The following RRP1 variants were observed in gnomAD, a reference collection of about 807,000 sequenced individuals.
The protein encoded by RRP1 is ribosomal RNA processing 1.
In RRP1, 37 loss-of-function variants were observed where a neutral mutation model predicts 54.6. The ratio of observed to expected loss-of-function variants is 0.68; its 90% confidence interval spans 0.52 to 0.89. RRP1 has a LOEUF of 0.89. Among genes scored for constraint, RRP1 ranks in the 40% least tolerant of loss-of-function variants. The pLI, the probability that RRP1 is intolerant of heterozygous loss-of-function variation, is 0.00. For synonymous variants in RRP1, 262 were observed against 244.3 expected (o/e 1.07, Z -0.67); for missense variants, 639 against 612.5 (o/e 1.04, Z -0.46).
intron 8 of RRP1, 91 bp downstream of exon 8, chr21:43,798,191 A>C: frequency 3.5e-6 from 4 of 1,132,172 alleles, no homozygotes; most frequent in Non-Finnish European, 4.9e-6. Context: ...GCCACCTCCT[A>C]CCTGGTCCCC....
At chr21:43,798,311 A>C (rs111323754) in intron 8 of RRP1, among the ~76,000 whole-genome samples, 6,213 of 151,778 alleles carry the variant, frequency 0.041, 408 homozygotes, top group African/African-American at 0.14. Flanking sequence ...GATGTGCTCC[A>C]CGCCCTCTCC....
intron 2 of RRP1, 24 bp from the exon 3 acceptor site, chr21:43,792,648 G>T: frequency 6.2e-7 from 1 of 1,613,882 alleles, no homozygotes; most frequent in Non-Finnish European, 8.5e-7. Flanking sequence ...GGGGCTGAGG[G>T]CGTTTTTGTT....
In RRP1 at chr21:43,800,549, T is replaced by G; in HGVS notation, c.924T>G (p.Phe308Leu). The G allele has an allele frequency of 6.2e-7, 1 of 1,614,232 alleles. No homozygotes were observed. Among genetic ancestry groups the G allele is most frequent in the Non-Finnish European group, 8.5e-7 (1 of 1,180,034 alleles). Residue 308 changes from phenylalanine to leucine, a missense_variant, in exon 10 of 13, where the codon TTT becomes TTG. Coordinates refer to ENST00000497547, the MANE Select transcript of RRP1 (RefSeq NM_003683.6). Reference protein sequence around the residue: ...FDYEAVANRLFEMASRQSTPS... With the variant: ...FDYEAVANRLLEMASRQSTPS... Reference sequence around the variant, plus strand: ...ACGAGGCAGTTGCTAACAGACTGTTTGAAATGGCCAGCCGCCAGAGCACCC... The same window carrying G: ...ACGAGGCAGTTGCTAACAGACTGTTGGAAATGGCCAGCCGCCAGAGCACCC...
Position 43,790,785 on chromosome 21 carries a change from TC to T in RRP1, c.134-563del, listed in dbSNP as rs1236095995. 1.9e-5 allele frequency: 6 copies of T among 307,950 alleles called. No individual in the cohort carries two copies. In the Admixed American group the frequency reaches 2.8e-4, roughly 14 times the overall value. 19.1% of individuals were successfully genotyped at this position (307,950 alleles called of 1,614,324 possible). ...GTATTTTTTGTACAAATTGGGGTCT[TC>T]CTATGTTGCCCAGACTGGTCTTGAA... On this transcript the variant is annotated intron_variant, in intron 1 of 12. Transcript: ENST00000497547.
chr21:43,804,628 T>C lies in RRP1; in HGVS notation c.*854T>C, dbSNP rs1428271388. The C allele has an allele frequency of 6.6e-6, 1 of 152,336 alleles. No individual in the cohort carries two copies. The highest frequency in any genetic ancestry group is 1.5e-5 in the Non-Finnish European group (1 of 68,102). 9.4% of individuals were successfully genotyped at this position (152,336 alleles called of 1,614,324 possible). On this transcript the variant is annotated 3_prime_UTR_variant, in exon 13 of 13. Coordinates refer to ENST00000497547, the MANE Select transcript of RRP1 (RefSeq NM_003683.6). The surrounding 1 kb of genome is among the most constrained non-coding windows in gnomAD (Gnocchi z 4.3). ...GCCAGCGCTGTGGCCACAGCCTGCA[T>C]AGGTGACAAGGGGCCGCTGCGTTGG...
chr21:43,797,834 A>C, intron 7 of RRP1, 73 bp from the exon 8 acceptor site: 1 of 1,571,160 alleles, frequency 6.4e-7, no homozygotes, highest in Non-Finnish European at 8.7e-7. Flanking sequence ...GAGAGGTTGC[A>C]GGGGAGTCGG....
rs561294668 is a variant in RRP1, at chr21:43,803,144, T to C, written c.1124-368T>C. ...TTCCCATGAGGCAGTGGCCTCCTCT[T>C]TGTAGCCGGCCCTTGGCTGTGTGAA... is the stretch of plus-strand genomic sequence containing the variant. On this transcript the variant is annotated intron_variant, in intron 12 of 12. Transcript: ENST00000497547. Among the ~76,000 whole-genome samples the C allele has an allele frequency of 8.5e-5, 13 of 152,376 alleles. No homozygotes were observed. In the South Asian group the frequency reaches 2.7e-3, roughly 32 times the overall value.
chr21:43,796,288 G>A (rs1569014767), intron 5 of RRP1, among the ~76,000 whole-genome samples: 2 of 152,174 alleles, frequency 1.3e-5, no homozygotes. Flanking sequence ...TCTGATGCCA[G>A]GAGTCTCATT....
intron 11 of RRP1, among the ~76,000 whole-genome samples, chr21:43,801,928 G>A (rs1286160252): frequency 6.6e-6 from 1 of 152,184 alleles, no homozygotes; most frequent in Non-Finnish European, 1.5e-5. Flanking sequence ...TCTGTTTGGG[G>A]TTTTCAGGTG....
intron 12 of RRP1, 56 bp downstream of exon 12, chr21:43,802,443 C>A (rs757666531): frequency 1.1e-5 from 16 of 1,435,356 alleles, no homozygotes; most frequent in Non-Finnish European, 1.6e-5. Context: ...GCTTGCTTCT[C>A]CCCTGGATGG....
chr21:43,792,536 C>T (rs1321681782), intron 2 of RRP1, 136 bp from the exon 3 acceptor site: 1 of 841,420 alleles, frequency 1.2e-6, no homozygotes, highest in Non-Finnish European at 2.0e-6. Flanking sequence ...CTCCAGTGCA[C>T]TGAGCTGAGA....
At chr21:43,792,547 C>G (rs187939971) in intron 2 of RRP1, 125 bp from the exon 3 acceptor site, 16 of 913,188 alleles carry the variant, frequency 1.8e-5, no homozygotes, top group African/African-American at 3.3e-5. Context: ...TGAGCTGAGA[C>G]CCCCTGGAAG....
chr21:43,790,735 C>T (rs776073610), intron 1 of RRP1: 1 of 289,514 alleles, frequency 3.5e-6, no homozygotes, highest in East Asian at 1.0e-4. Context: ...CTACTGGCAC[C>T]GTGCGGCCAG....
intron 9 of RRP1, among the ~76,000 whole-genome samples, chr21:43,800,249 G>C (rs976290492): frequency 7.9e-5 from 12 of 152,218 alleles, no homozygotes; most frequent in African/African-American, 2.4e-4. Context: ...GCGGGCGTGT[G>C]CCCTGCAGTG....
chr21:43,790,283 G>C (rs1028929579), intron 1 of RRP1, among the ~76,000 whole-genome samples: 3 of 152,206 alleles, frequency 2.0e-5, no homozygotes, highest in African/African-American at 7.2e-5. Flanking sequence ...CACGTTCTAT[G>C]CCGGGCGCAG....
In RRP1 at chr21:43,802,669, C is replaced by T. The variant is rs1019893377; in HGVS notation, c.1123+282C>T. On this transcript the variant is annotated intron_variant, in intron 12 of 12. Transcript: ENST00000497547. ...GACATCCTCCTGGCTGGGCTGCCTC[C>T]TTCCGTGCCTCCGTCTTAGATCCAA... Among the ~76,000 whole-genome samples the T allele has an allele frequency of 2.6e-5, 4 of 152,228 alleles. No individual in the cohort carries two copies. The South Asian group carries it at 8.3e-4, about 31-fold the overall frequency.
rs567365546 is a variant in RRP1, at chr21:43,794,757, G to C, written c.361-432G>C. On this transcript the variant is annotated intron_variant, in intron 4 of 12. Transcript: ENST00000497547. ...GGAAGTGAGCTACATTCTGCCCGTT[G>C]CGGGGGGTTTGGTGAGGACCAGCCG... Among the ~76,000 whole-genome samples the C allele has an allele frequency of 1.3e-5, 2 of 152,344 alleles. 1 individual carries two copies. Among genetic ancestry groups the C allele is most frequent in the South Asian group, 4.1e-4 (2 of 4,832 alleles).
intron 1 of RRP1, chr21:43,790,614 C>T (rs1319595743): frequency 1.7e-5 from 3 of 177,360 alleles, no homozygotes; most frequent in Non-Finnish European, 3.6e-5. Context: ...GTGAGACAGA[C>T]CTCACTGTCA....
rs905382618 is a variant in RRP1, at chr21:43,791,194, G to A, written c.134-156G>A. 2.2e-5 allele frequency: 17 copies of A among 756,662 alleles called. No homozygotes were observed. In the African/African-American group the frequency reaches 2.7e-4, roughly 12 times the overall value. The allele number at this position is 756,662 out of a possible 1,614,324, so 46.9% of individuals were successfully genotyped here. On this transcript the variant is annotated intron_variant, in intron 1 of 12. Coordinates refer to ENST00000497547, the MANE Select transcript of RRP1 (RefSeq NM_003683.6). ...AGGCGCGGCAGGTTCTGGGTTAGAA[G>A]GATTGTTTGAAGGGGAGGGCCAGAT...
Sources: gnomAD v4.1 joint callset for allele counts (sites outside exome capture counted in the v4.1 genomes callset) on GRCh38, gnomAD v4.1.1 for gene constraint, Gnocchi (gnomAD v3.1) non-coding constraint, MANE v1.5 for transcripts, NCBI Gene and HGNC (gene_info 2026-07-23, HGNC 2026-07-21) for gene names.